INO80E: variants seen among roughly 807,000 people sequenced by gnomAD.
INO80E encodes INO80 complex subunit E, also known as coiled-coil domain containing 95.
In INO80E, 20 loss-of-function variants were observed where a neutral mutation model predicts 27.3. The ratio of observed to expected loss-of-function variants is 0.73; its 90% CI spans 0.51 to 1.06. The LOEUF (loss-of-function observed/expected upper bound fraction) is 1.06. INO80E is among the 50% of genes least tolerant of loss of function. The probability of loss-of-function intolerance (pLI) is 0.00; values close to 1 mark genes in which losing one functional copy is unlikely to be tolerated. For missense variants in INO80E, 357 were observed against 322.8 expected, an observed-to-expected ratio of 1.11 and a Z score of -0.81; for synonymous variants, 167 against 145.9, an observed-to-expected ratio of 1.14 and a Z score of -1.04.
intron 6 of INO80E, among the ~76,000 whole-genome samples, chr16:30,004,941 C>T (rs1202978069): frequency 2.0e-5 from 3 of 152,160 alleles, no homozygotes; most frequent in Non-Finnish European, 2.9e-5. Flanking sequence ...GCAGCCCAGG[C>T]GCCTCCCTGG....
rs2070526237 is a variant in INO80E, at chr16:30,005,286, G to A, written c.579G>A (p.Gly193=). 2.0e-6 allele frequency: 3 copies of A among 1,486,238 alleles called. No homozygotes were observed. The highest frequency in any genetic ancestry group is 2.7e-6 in the Non-Finnish European group (3 of 1,120,546). 92.1% of individuals were successfully genotyped at this position (1,486,238 alleles called of 1,614,324 possible). The part of the protein sequence containing the change: ...GPLTFPGRGS[G]AGVGTTLTPL... ...TGACCTTCCCTGGCCGGGGTTCTGG[G>A]GCTGGGGTCGGGACAACCCTGACCC... Residue 193 remains glycine, a synonymous_variant, in exon 7 of 7, where the codon GGG becomes GGA. Transcript: ENST00000563197.
intron 3 of INO80E, 108 bp downstream of exon 3, chr16:29,996,968 C>T: frequency 2.9e-6 from 3 of 1,042,274 alleles, no homozygotes; most frequent in Non-Finnish European, 3.0e-6. Flanking sequence ...CCCCAGTGGT[C>T]CTTAAGCCTA....
chr16:30,001,581 C>T, intron 6 of INO80E, 51 bp downstream of exon 6: 1 of 1,550,732 alleles, frequency 6.4e-7, no homozygotes, highest in Non-Finnish European at 8.8e-7. Flanking sequence ...GGAGGACAGT[C>T]ACCTGAGGGA....
At chr16:29,998,470 C>A (rs917904662) in intron 3 of INO80E, among the ~76,000 whole-genome samples, 1 of 152,160 alleles carries the variant, frequency 6.6e-6, no homozygotes, top group Non-Finnish European at 1.5e-5. Context: ...CTGCAGTTAA[C>A]TATATTTTAC....
intron 5 of INO80E, 51 bp from the exon 6 acceptor site, chr16:30,001,363 C>A (rs2070345246): frequency 2.6e-6 from 4 of 1,535,752 alleles, no homozygotes; most frequent in Non-Finnish European, 3.5e-6. Context: ...TTCCCCCACC[C>A]TCACCCCGGT....
At chr16:29,996,981 T>G in intron 3 of INO80E, 121 bp downstream of exon 3, 1 of 910,126 alleles carries the variant, frequency 1.1e-6, no homozygotes, top group Non-Finnish European at 1.8e-6. Context: ...TAAGCCTAGT[T>G]GCTTGCCTTC....
intron 5 of INO80E, 118 bp downstream of exon 5, chr16:30,001,158 C>G: frequency 2.0e-6 from 3 of 1,471,138 alleles, no homozygotes; most frequent in Non-Finnish European, 2.7e-6. Context: ...TGGGTGTGGC[C>G]CAAGTGTCCC....
intron 6 of INO80E, chr16:30,002,757 C>T (rs1024208058): frequency 5.9e-5 from 9 of 152,390 alleles, no homozygotes; most frequent in African/African-American, 1.4e-4. Flanking sequence ...GATAGCGGCC[C>T]GTGAGGGGCT....
rs781594991 is a variant in INO80E, at chr16:30,000,955, C to A, written c.311C>A (p.Ala104Asp). 1.1e-5 allele frequency: 17 copies of A among 1,580,826 alleles called. No individual in the cohort carries two copies. In the Admixed American group the frequency reaches 2.8e-4, roughly 26 times the overall value. The change falls in exon 5 of 7, where the codon GCC becomes GAC. Residue 104 changes from alanine to aspartate, a missense_variant. Ala to Asp is a moderately radical substitution (Grantham distance 126). Coordinates refer to ENST00000563197, the MANE Select transcript of INO80E (RefSeq NM_173618.3). ...KRKRSPPLGGAPSPSSLSLPP... is the reference protein window; with the variant it reads ...KRKRSPPLGGDPSPSSLSLPP... ...AAGAGAAGCCCTCCGCTGGGGGGCGCCCCCTCTCCCTCCAGCCTCTCCCTG... is the reference window on the plus strand; with the variant it reads ...AAGAGAAGCCCTCCGCTGGGGGGCGACCCCTCTCCCTCCAGCCTCTCCCTG...
chr16:30,004,513 A>G (rs570889340), intron 6 of INO80E: 1 of 152,872 alleles, frequency 6.5e-6, no homozygotes, highest in Admixed American at 6.5e-5. Flanking sequence ...CGCAGGCGGC[A>G]CTCCCGCCCC....
chr16:30,005,119 C>A, intron 6 of INO80E, 102 bp from the exon 7 acceptor site: 1 of 1,299,990 alleles, frequency 7.7e-7, no homozygotes, highest in Non-Finnish European at 1.0e-6. Context: ...TGCCCAGGGC[C>A]TCTTCCCCCT....
chr16:29,996,423 T>A (rs1402483785), intron 1 of INO80E, 32 bp downstream of exon 1: 1 of 1,567,520 alleles, frequency 6.4e-7, no homozygotes, highest in South Asian at 1.2e-5. Context: ...CTGTGGGGGA[T>A]GAGGCCTGGC....
Position 29,996,680 on chromosome 16 carries a change from TC to T in INO80E, c.152+67del. ...CTAGGAAATCTACATTCGGACCCCATCCCCGAGTAGGGCCACAAGTGCATGG... is the reference window on the plus strand; with the variant it reads ...CTAGGAAATCTACATTCGGACCCCATCCCGAGTAGGGCCACAAGTGCATGG... On this transcript the variant is annotated intron_variant, in intron 2 of 6. Coordinates refer to ENST00000563197, the MANE Select transcript of INO80E (RefSeq NM_173618.3). 2.5e-6 allele frequency: 4 copies of T among 1,587,624 alleles called. No individual in the cohort carries two copies. The South Asian group carries it at 4.5e-5, about 18-fold the overall frequency.
chr16:30,001,330 C>T (rs1368698884), intron 5 of INO80E, 84 bp from the exon 6 acceptor site: 9 of 1,505,132 alleles, frequency 6.0e-6, no homozygotes, highest in East Asian at 2.5e-5. Context: ...TTTGTTTTTC[C>T]ATCCTCCTTC....
chr16:30,005,426 TC>T lies in INO80E; in HGVS notation c.720del (p.Ile240MetfsTer108). 1 of 1,601,012 alleles carries T rather than the reference TC, an allele frequency of 6.2e-7. No individual in the cohort carries two copies. On this transcript the variant is annotated frameshift_variant, in exon 7 of 7. Coordinates refer to ENST00000563197, the MANE Select transcript of INO80E (RefSeq NM_173618.3). LOFTEE classifies it high-confidence loss of function. Reference protein sequence around the residue: ...DALDGDDDLVIDIPE With the variant: ...DALDGDDDLVXDIPE ...TTGGATGGAGACGATGACCTGGTGA[TC>T]GACATCCCGGAGTGACCGTGACATC...
At chr16:30,001,575 G>C (rs2070358225) in intron 6 of INO80E, 45 bp downstream of exon 6, 1 of 1,569,394 alleles carries the variant, frequency 6.4e-7, no homozygotes, top group African/African-American at 1.4e-5. Flanking sequence ...ACGGCAGGAG[G>C]ACAGTCACCT....
intron 6 of INO80E, among the ~76,000 whole-genome samples, chr16:30,004,828 G>C (rs1378395971): frequency 6.6e-6 from 1 of 152,174 alleles, no homozygotes; most frequent in African/African-American, 2.4e-5. Flanking sequence ...AGAGGGAGAG[G>C]AGGAGTAGGG....
At chr16:29,998,502 G>A (rs2070223933) in intron 3 of INO80E, among the ~76,000 whole-genome samples, 1 of 152,134 alleles carries the variant, frequency 6.6e-6, no homozygotes, top group Non-Finnish European at 1.5e-5. Flanking sequence ...GGCCCCACAT[G>A]TTAAACAAAA....
intron 3 of INO80E, 98 bp downstream of exon 3, chr16:29,996,958 C>G (rs2070146284): frequency 1.8e-6 from 2 of 1,138,248 alleles, no homozygotes; most frequent in African/African-American, 3.0e-5. Context: ...CTGATGCAGC[C>G]CCCAGTGGTC....
Sources: gnomAD v4.1 joint callset for allele counts (sites outside exome capture counted in the v4.1 genomes callset) on GRCh38, gnomAD v4.1.1 for gene constraint, MANE v1.5 for transcripts, NCBI Gene and HGNC (gene_info 2026-07-23, HGNC 2026-07-21) for gene names.